The following AGAP1 variants were observed in gnomAD, a reference collection of about 807,000 sequenced individuals.
AGAP1 encodes arf-GAP with GTPase, ANK repeat and PH domain-containing protein 1.
A neutral mutation model predicts 105.3 loss-of-function variants in AGAP1; 29 were observed. That is an observed-to-expected ratio of 0.28 (90% confidence interval 0.21 to 0.38). The LOEUF (loss-of-function observed/expected upper bound fraction) is 0.38, where lower values mean the gene tolerates loss of function less well. Ranked by LOEUF, AGAP1 falls within the 10% of genes least tolerant of loss-of-function variation. The pLI is 1.00. For synonymous variants in AGAP1, 509 were observed against 485.9 expected, an observed-to-expected ratio of 1.05 and a Z score of -0.63; for missense variants, 998 against 1,165.1, an observed-to-expected ratio of 0.86 and a Z score of 2.09.
In AGAP1 at chr2:236,129,253, G is replaced by A. The variant is rs934436801; in HGVS notation, c.*5131G>A. 4 of 152,360 alleles carry A rather than the reference G, an allele frequency of 2.6e-5. No individual in the cohort carries two copies. The highest frequency in any genetic ancestry group is 2.1e-4 in the South Asian group (1 of 4,832). The allele number at this position is 152,360 out of a possible 1,614,324, so 9.4% of individuals were successfully genotyped here. On this transcript the variant is annotated 3_prime_UTR_variant, in exon 18 of 18. Transcript: ENST00000304032. The surrounding 1 kb of genome is among the most constrained non-coding windows in gnomAD (Gnocchi z 6.2). ...CAGGCCAGCACGCTCAGGTGATAGC[G>A]AGTGGGGCCAGGAGACCCCCCTGCC...
In AGAP1 at chr2:235,620,173, G is replaced by A. The variant is rs1223711004; in HGVS notation, c.164-89006G>A. On this transcript the variant is annotated intron_variant, in intron 1 of 17. Transcript: ENST00000304032. The surrounding 1 kb of genome is among the most constrained non-coding windows in gnomAD (Gnocchi z 4.5). The stretch of plus-strand genomic sequence containing the variant: ...ATGCTGACAATAGAACTACTTTCCA[G>A]AAATCAGCAAATGCTGGGCTGTGCC... Among the ~76,000 whole-genome samples the A allele has an allele frequency of 1.3e-5, 2 of 152,170 alleles. No individual in the cohort carries two copies. The highest frequency in any genetic ancestry group is 4.8e-5 in the African/African-American group (2 of 41,432).
rs141367962 is a variant in AGAP1, at chr2:236,075,001, C to T, written c.2114+25720C>T. Among the ~76,000 whole-genome samples, 74 of 152,172 alleles carry T rather than the reference C, an allele frequency of 4.9e-4. 1 individual carries two copies. The highest frequency in any genetic ancestry group is 1.6e-3 in the African/African-American group (67 of 41,536). ...CCGAGAGGTGGAGGTTGCAGTGAGC[C>T]AAGATCACTCCACTGCACTCCAGCT... On this transcript the variant is annotated intron_variant, in intron 16 of 17. Coordinates refer to ENST00000304032, the MANE Select transcript of AGAP1 (RefSeq NM_001037131.3).
intron 12 of AGAP1, among the ~76,000 whole-genome samples, chr2:235,966,059 G>T (rs111831007): frequency 6.7e-6 from 1 of 149,888 alleles, no homozygotes; most frequent in Non-Finnish European, 1.5e-5. Flanking sequence ...GGAGGAGAGG[G>T]GAGCCCGTTC....
chr2:235,883,386 G>A lies in AGAP1; in HGVS notation c.1092G>A (p.Glu364=), dbSNP rs540469541. 33 of 1,613,996 alleles carry A rather than the reference G, an allele frequency of 2.0e-5. No homozygotes were observed. Among genetic ancestry groups the A allele is most frequent in the Non-Finnish European group, 2.8e-5 (33 of 1,180,036 alleles). The change falls in exon 10 of 18, where the codon GAG becomes GAA. Residue 364 remains glutamate (E), a synonymous_variant. Coordinates refer to ENST00000304032, the MANE Select transcript of AGAP1 (RefSeq NM_001037131.3). The surrounding 1 kb of genome is among the most constrained non-coding windows in gnomAD (Gnocchi z 4.5). ...GAAGTGGCAAATCGTTGAATAAAGA[G>A]TGGAAAAAGAAATATGTCACCCTGT... ...LKRSGKSLNK[E]WKKKYVTLCD... is the part of the protein sequence containing the mutation.
intron 1 of AGAP1, among the ~76,000 whole-genome samples, chr2:235,669,123 CAG>C (rs1178357445): frequency 6.6e-6 from 1 of 152,038 alleles, no homozygotes; most frequent in Non-Finnish European, 1.5e-5. Context: ...ACAATAAAGA[CAG>C]AATTATGTTA....
intron 1 of AGAP1, among the ~76,000 whole-genome samples, chr2:235,585,912 C>T (rs1028156266): frequency 6.6e-6 from 1 of 152,048 alleles, no homozygotes; most frequent in African/African-American, 2.4e-5. Flanking sequence ...GTTAAAAACC[C>T]GGTGAATCCT....
At chr2:235,709,055 C>A in intron 1 of AGAP1, 124 bp from the exon 2 acceptor site, 2 of 932,228 alleles carry the variant, frequency 2.1e-6, no homozygotes. Flanking sequence ...GTGAGAGTGA[C>A]ACAGGGAGGC....
At position 235,557,378 on chromosome 2, in the gene AGAP1, C is replaced by A. The variant is rs967128616; in HGVS notation, c.163+62529C>A. Reference sequence around the variant, plus strand: ...CTGGAAAGGCTTGTCCATGTATCGCCGTTGGGAAGGGAAATCACTCCGAAG... The same window carrying A: ...CTGGAAAGGCTTGTCCATGTATCGCAGTTGGGAAGGGAAATCACTCCGAAG... On this transcript the variant is annotated intron_variant, in intron 1 of 17. Transcript: ENST00000304032. The surrounding 1 kb of genome is among the most constrained non-coding windows in gnomAD (Gnocchi z 4.7). Among the ~76,000 whole-genome samples the A allele has an allele frequency of 1.3e-5, 2 of 152,026 alleles. No homozygotes were observed. The highest frequency in any genetic ancestry group is 2.9e-5 in the Non-Finnish European group (2 of 68,022).
At position 235,989,062 on chromosome 2, in the gene AGAP1, C is replaced by T. The variant is rs1322992212; in HGVS notation, c.1645+20439C>T. 1.3e-5 allele frequency among the ~76,000 whole-genome samples: 2 copies of T among 152,178 alleles called. No homozygotes were observed. The highest frequency in any genetic ancestry group is 2.9e-5 in the Non-Finnish European group (2 of 68,028). ...TTTTTCTGTTCTTCAGAGTTTGCATCCCCTGAGAATTCCTCTCCTGTGTCC... is the reference window on the plus strand; with the variant it reads ...TTTTTCTGTTCTTCAGAGTTTGCATTCCCTGAGAATTCCTCTCCTGTGTCC... On this transcript the variant is annotated intron_variant, in intron 13 of 17. Coordinates refer to ENST00000304032, the MANE Select transcript of AGAP1 (RefSeq NM_001037131.3). This position sits in a 1 kb window ranked among gnomAD's most constrained non-coding sequence, Gnocchi z 4.4.
chr2:235,990,848 T>G (rs1453226452), intron 13 of AGAP1, among the ~76,000 whole-genome samples: 1 of 152,224 alleles, frequency 6.6e-6, no homozygotes. Context: ...AGTGAATGTG[T>G]ATTATGTCAG....
Position 235,690,515 on chromosome 2 carries a change from TC to T in AGAP1, c.164-18662del, listed in dbSNP as rs1330762732. ...AGGAAAGCATGGTTTATTCCTAGCT[TC>T]CGGTAGAGGAGGCTGGCCAACTCAG... is the stretch of plus-strand genomic sequence containing the variant. On this transcript the variant is annotated intron_variant, in intron 1 of 17. Coordinates refer to ENST00000304032, the MANE Select transcript of AGAP1 (RefSeq NM_001037131.3). The surrounding 1 kb of genome is among the most constrained non-coding windows in gnomAD (Gnocchi z 4.1). 2.0e-5 allele frequency among the ~76,000 whole-genome samples: 3 copies of T among 152,188 alleles called. No individual in the cohort carries two copies.
chr2:235,686,626 T>TATATATATATATATATATAG (rs1241386135), intron 1 of AGAP1, among the ~76,000 whole-genome samples: 1 of 38,126 alleles, frequency 2.6e-5, no homozygotes, highest in East Asian at 7.6e-4. Context: ...TATAGATATA[T>TATATATATATATATATATAG]ATATATATAT....
At chr2:235,570,632 C>T (rs62189170) in intron 1 of AGAP1, among the ~76,000 whole-genome samples, 12,863 of 152,230 alleles carry the variant, frequency 0.084, 757 homozygotes, top group Non-Finnish European at 0.13. Context: ...CAGTGCTGCT[C>T]TTTGGCCTCG....
At position 235,662,096 on chromosome 2, in the gene AGAP1, G is replaced by A. The variant is rs1947976558; in HGVS notation, c.164-47083G>A. On this transcript the variant is annotated intron_variant, in intron 1 of 17. Transcript: ENST00000304032. This position sits in a 1 kb window ranked among gnomAD's most constrained non-coding sequence, Gnocchi z 4.2. ...GGGAAGGAAAAGACCATGGCGCTGA[G>A]GAGGCGGCACGGCCTGGCCCTCCAC... Among the ~76,000 whole-genome samples the A allele has an allele frequency of 1.3e-5, 2 of 152,214 alleles. No individual in the cohort carries two copies. Among genetic ancestry groups the A allele is most frequent in the Non-Finnish European group, 2.9e-5 (2 of 68,036 alleles).
chr2:235,880,169 G>A (rs13410684), intron 9 of AGAP1, among the ~76,000 whole-genome samples: 4,322 of 149,238 alleles, frequency 0.029, 136 homozygotes, highest in South Asian at 0.092. Context: ...CATGCCTCCC[G>A]ATTAGACTGT....
chr2:235,867,596 C>G lies in AGAP1; in HGVS notation c.1051-15749C>G, dbSNP rs980904786. Among the ~76,000 whole-genome samples, 1 of 143,202 alleles carries G rather than the reference C, an allele frequency of 7.0e-6. No individual in the cohort carries two copies. Among genetic ancestry groups the G allele is most frequent in the African/African-American group, 2.6e-5 (1 of 38,532 alleles). 93.9% of individuals were successfully genotyped at this position (143,202 alleles called of 152,430 possible). A position where few individuals can be genotyped will look rare whatever the true frequency, so the allele number is the denominator to read the frequency against. ...GTGTGCAAGTGAGGGAGGGTGACCC[C>G]CACACCAAGCACACAGGGCCATGGA... is the stretch of plus-strand genomic sequence containing the variant. On this transcript the variant is annotated intron_variant, in intron 9 of 17. Transcript: ENST00000304032. The surrounding 1 kb of genome is among the most constrained non-coding windows in gnomAD (Gnocchi z 5.4).
At chr2:235,984,251 T>C (rs2055210523) in intron 13 of AGAP1, among the ~76,000 whole-genome samples, 1 of 152,236 alleles carries the variant, frequency 6.6e-6, no homozygotes. Context: ...TTTTAAAGGA[T>C]GGATAATATT....
At chr2:235,636,436 A>T (rs1000861117) in intron 1 of AGAP1, among the ~76,000 whole-genome samples, 3 of 152,110 alleles carry the variant, frequency 2.0e-5, no homozygotes, top group African/African-American at 7.2e-5. Flanking sequence ...TTCGCTGTGG[A>T]TGTGTTCATG....
chr2:235,706,256 G>A (rs1575180443), intron 1 of AGAP1, among the ~76,000 whole-genome samples: 2 of 152,186 alleles, frequency 1.3e-5, no homozygotes, highest in South Asian at 2.1e-4. Flanking sequence ...ATGGAGTCTC[G>A]CTCTGTCGCC....
Sources: allele counts gnomAD v4.1 joint callset (sites outside exome capture counted in the v4.1 genomes callset), GRCh38; gene constraint gnomAD v4.1.1; non-coding constraint Gnocchi (gnomAD v3.1); transcripts MANE v1.5; gene names NCBI Gene and HGNC (gene_info 2026-07-23, HGNC 2026-07-21).